The following PROX1 variants were observed in gnomAD, a reference collection of about 807,000 sequenced individuals.
PROX1 encodes the protein prospero homeobox 1, also known as prospero homeobox protein 1.
PROX1 carries 7 observed loss-of-function variants against 58.8 expected under a neutral mutation model. The ratio of observed to expected loss-of-function variants is 0.12; its 90% confidence interval spans 0.07 to 0.22. The LOEUF (loss-of-function observed/expected upper bound fraction) is 0.22. Among genes scored for constraint, PROX1 ranks in the 10% least tolerant of loss-of-function variants. The pLI is 1.00. For synonymous variants in PROX1, 350 were observed against 358.3 expected (o/e 0.98, Z 0.26); for missense variants, 675 against 927.8 (o/e 0.73, Z 3.54).
intron 1 of PROX1, among the ~76,000 whole-genome samples, chr1:213,992,102 A>C (rs1663058679): frequency 6.6e-6 from 1 of 152,182 alleles, no homozygotes; most frequent in Non-Finnish European, 1.5e-5. Context: ...ATAAGTTGTT[A>C]CTTTTTAAAC....
intron 4 of PROX1, among the ~76,000 whole-genome samples, chr1:214,023,014 C>T (rs1451187746): frequency 6.6e-6 from 1 of 152,206 alleles, no homozygotes; most frequent in East Asian, 1.9e-4. Context: ...TTCGTTTTCT[C>T]CCAAGGCCCT....
Position 214,037,911 on chromosome 1 carries a change from G to C in PROX1, c.*2077G>C, listed in dbSNP as rs1270172659. On this transcript the variant is annotated 3_prime_UTR_variant, in exon 5 of 5. Coordinates refer to ENST00000366958, the MANE Select transcript of PROX1 (RefSeq NM_001270616.2). ...GTTTTAAAAGAGGATGGCAGTCCTT[G>C]TTCGTGTCAGTGTGCCACTGGGTTT... The C allele has an allele frequency of 1.3e-5, 2 of 152,228 alleles. No individual in the cohort carries two copies. Among genetic ancestry groups the C allele is most frequent in the Non-Finnish European group, 2.9e-5 (2 of 68,042 alleles). The allele number at this position is 152,228 out of a possible 1,614,324, so 9.4% of individuals were successfully genotyped here. A position where few individuals can be genotyped will look rare whatever the true frequency, so the allele number is the denominator to read the frequency against.
At chr1:213,992,866 C>CGCTGCAG (rs1401554295) in intron 1 of PROX1, among the ~76,000 whole-genome samples, 3 of 152,162 alleles carry the variant, frequency 2.0e-5, no homozygotes, top group Non-Finnish European at 4.4e-5. Flanking sequence ...TTATACTTCA[C>CGCTGCAG]GCTGCAGTGT....
chr1:214,012,173 T>C (rs917290518), intron 4 of PROX1, among the ~76,000 whole-genome samples: 5 of 152,214 alleles, frequency 3.3e-5, no homozygotes, highest in Non-Finnish European at 5.9e-5. Context: ...GTGATCATGG[T>C]TTCTGACTTT....
chr1:214,020,539 G>A (rs1664245595), intron 4 of PROX1, among the ~76,000 whole-genome samples: 1 of 152,184 alleles, frequency 6.6e-6, no homozygotes, highest in African/African-American at 2.4e-5. Flanking sequence ...ATATCTAACA[G>A]AGCCACAGCT....
At chr1:214,002,022 A>G (rs1207886961) in intron 2 of PROX1, among the ~76,000 whole-genome samples, 1 of 152,176 alleles carries the variant, frequency 6.6e-6, no homozygotes, top group East Asian at 1.9e-4. Context: ...AACTTAGCAA[A>G]TTAGGGAATA....
intron 1 of PROX1, among the ~76,000 whole-genome samples, chr1:213,991,416 C>A (rs750418034): frequency 1.3e-5 from 2 of 152,094 alleles, no homozygotes; most frequent in African/African-American, 2.4e-5. Flanking sequence ...AACGTCCCCC[C>A]ACCTCCCAAA....
At chr1:214,034,573 G>C (rs749975270) in intron 4 of PROX1, among the ~76,000 whole-genome samples, 2 of 152,170 alleles carry the variant, frequency 1.3e-5, no homozygotes, top group African/African-American at 2.4e-5. Flanking sequence ...GGGATAGATA[G>C]ACCATGCTGT....
At chr1:214,017,567 T>TAA (rs397937784) in intron 4 of PROX1, among the ~76,000 whole-genome samples, 15 of 144,282 alleles carry the variant, frequency 1.0e-4, no homozygotes, top group East Asian at 4.0e-4. Context: ...TTTCTCTCTT[T>TAA]AAAAAAAAAA....
At chr1:214,014,715 C>T (rs912447646) in intron 4 of PROX1, among the ~76,000 whole-genome samples, 26 of 152,300 alleles carry the variant, frequency 1.7e-4, no homozygotes, top group African/African-American at 6.0e-4. Context: ...AGAGGCAGAT[C>T]GAGCCAGGGA....
chr1:214,022,445 A>G (rs867101255), intron 4 of PROX1, among the ~76,000 whole-genome samples: 1 of 152,330 alleles, frequency 6.6e-6, no homozygotes, highest in Middle Eastern at 3.4e-3. Context: ...CTGACCCTAA[A>G]TAGGAAAGTA....
chr1:213,990,287 G>C lies in PROX1; in HGVS notation c.-68+1804G>C, dbSNP rs560758943. ...ACAGGTGCAAATTTCCTCTGTGTCT[G>C]TGTGTGTCTGTACAGCTCTAGACCA... On this transcript the variant is annotated intron_variant, in intron 1 of 4. Transcript: ENST00000366958. Among the ~76,000 whole-genome samples, 8 of 152,094 alleles carry C rather than the reference G, an allele frequency of 5.3e-5. No individual in the cohort carries two copies. The East Asian group carries it at 1.5e-3, about 29-fold the overall frequency.
At chr1:213,986,379 G>C, upstream of PROX1, 1 of 152,192 alleles carries the variant, frequency 6.6e-6, no homozygotes, top group South Asian at 2.1e-4. Flanking sequence ...TTTGAAATTC[G>C]TGCCAAAAGT....
chr1:214,018,868 T>G (rs1029942626), intron 4 of PROX1, among the ~76,000 whole-genome samples: 8 of 152,182 alleles, frequency 5.3e-5, no homozygotes, highest in Non-Finnish European at 1.0e-4. Flanking sequence ...ATATGGAAGT[T>G]GACACAACTA....
chr1:214,000,943 G>A (rs559179154), intron 2 of PROX1, among the ~76,000 whole-genome samples: 4 of 152,212 alleles, frequency 2.6e-5, no homozygotes, highest in Admixed American at 2.0e-4. Context: ...ATATGATCCG[G>A]TTGTACAGTT....
intron 4 of PROX1, among the ~76,000 whole-genome samples, chr1:214,031,066 T>TGTGC (rs1231686198): frequency 3.2e-3 from 302 of 95,128 alleles, no homozygotes; most frequent in African/African-American, 8.6e-3. Flanking sequence ...TGTGTGTGTG[T>TGTGC]GCGCGCGCGC....
At chr1:214,032,962 C>T (rs978705533) in intron 4 of PROX1, among the ~76,000 whole-genome samples, 6 of 152,174 alleles carry the variant, frequency 3.9e-5, no homozygotes, top group Non-Finnish European at 5.9e-5. Context: ...ATACAACCCC[C>T]AAAGAAGTTG....
intron 4 of PROX1, among the ~76,000 whole-genome samples, chr1:214,027,630 CTGTT>C (rs1188884213): frequency 2.0e-5 from 3 of 152,166 alleles, no homozygotes; most frequent in Admixed American, 1.3e-4. Flanking sequence ...AACAAGCAGA[CTGTT>C]TGAAGGCCAC....
intron 2 of PROX1, among the ~76,000 whole-genome samples, chr1:214,001,877 A>AT (rs201995882): frequency 1.1e-4 from 17 of 151,256 alleles, no homozygotes; most frequent in African/African-American, 3.2e-4. Flanking sequence ...AAAAAAAAAA[A>AT]TCCCTACACT....
Sources: gnomAD v4.1 joint callset for allele counts (sites outside exome capture counted in the v4.1 genomes callset) on GRCh38, gnomAD v4.1.1 for gene constraint, MANE v1.5 for transcripts, NCBI Gene and HGNC (gene_info 2026-07-23, HGNC 2026-07-21) for gene names.